Variants in EML4 observed in about 807,000 individuals in gnomAD.
EML4 encodes echinoderm microtubule-associated protein-like 4.
Under a neutral mutation model 129.0 loss-of-function variants are expected in EML4, and 72 were observed. That is an observed-to-expected ratio of 0.56 (90% confidence interval 0.46 to 0.68). The LOEUF (loss-of-function observed/expected upper bound fraction) is 0.68, where lower values mean the gene tolerates loss of function less well. Ranked by LOEUF, EML4 falls within the 30% of genes least tolerant of loss-of-function variation. The pLI, the probability that EML4 is intolerant of heterozygous loss-of-function variation, is 0.00. For missense variants in EML4, 1,363 were observed against 1,190.6 expected (o/e 1.14, Z -2.13); for synonymous variants, 532 against 405.0 (o/e 1.31, Z -3.77).
chr2:42,224,810 T>C (rs181477670), intron 1 of EML4, among the ~76,000 whole-genome samples: 49 of 152,262 alleles, frequency 3.2e-4, no homozygotes, highest in African/African-American at 1.2e-3. Flanking sequence ...TTTTAATCAA[T>C]TTTAACTTTA....
At chr2:42,202,372 A>G (rs183806602) in intron 1 of EML4, among the ~76,000 whole-genome samples, 4 of 152,234 alleles carry the variant, frequency 2.6e-5, no homozygotes, top group Admixed American at 2.6e-4. Flanking sequence ...AGTGTTCTCT[A>G]GATAGAAGGA....
chr2:42,325,592 ATGAT>A, intron 20 of EML4, 38 bp downstream of exon 20: 1 of 225,118 alleles, frequency 4.4e-6, no homozygotes, highest in East Asian at 1.1e-4. Flanking sequence ...TATATATGCT[ATGAT>A]TATATTTATA....
intron 1 of EML4, among the ~76,000 whole-genome samples, chr2:42,196,838 A>G (rs1350201124): frequency 6.6e-6 from 1 of 152,156 alleles, no homozygotes; most frequent in Non-Finnish European, 1.5e-5. Flanking sequence ...TGTAATACCT[A>G]ATACAGTAAC....
chr2:42,274,481 C>CT (rs1224621499), intron 6 of EML4, among the ~76,000 whole-genome samples: 2 of 152,038 alleles, frequency 1.3e-5, no homozygotes, highest in East Asian at 3.8e-4. Flanking sequence ...ATAAAGCAAG[C>CT]TTAAAAAGAA....
At chr2:42,295,009 AGAG>A in intron 11 of EML4, 113 bp from the exon 12 acceptor site, 1 of 911,022 alleles carries the variant, frequency 1.1e-6, no homozygotes, top group Non-Finnish European at 1.6e-6. Flanking sequence ...TCTTAGAAGA[AGAG>A]GCATTTTCTC....
chr2:42,307,567 A>G (rs1668681771), intron 17 of EML4, among the ~76,000 whole-genome samples: 1 of 152,250 alleles, frequency 6.6e-6, no homozygotes, highest in Non-Finnish European at 1.5e-5. Context: ...CTAAAATGGA[A>G]AAATCTTAAT....
rs771092823 is a variant in EML4 at position 42,295,294 on chromosome 2, A to G, written c.1353+35A>G. 11 of 1,599,336 alleles carry G rather than the reference A, an allele frequency of 6.9e-6. No individual in the cohort carries two copies. The South Asian group carries it at 8.0e-5, about 12-fold the overall frequency. On this transcript the variant is annotated intron_variant, in intron 12 of 22. Coordinates refer to ENST00000318522, the MANE Select transcript of EML4 (RefSeq NM_019063.5). ...AGATTGTTTTAATGTCATTAGGTGTATAAGACTTTAATTTTTTTAATTGTT... is the reference window on the plus strand; with the variant it reads ...AGATTGTTTTAATGTCATTAGGTGTGTAAGACTTTAATTTTTTTAATTGTT...
intron 5 of EML4, among the ~76,000 whole-genome samples, chr2:42,263,920 G>A (rs1572651574): frequency 1.3e-5 from 2 of 151,154 alleles, no homozygotes; most frequent in South Asian, 2.1e-4. Flanking sequence ...GGTAGAGATG[G>A]TGTTTTCACC....
At chr2:42,322,984 T>G (rs1449263968) in intron 19 of EML4, among the ~76,000 whole-genome samples, 1 of 152,194 alleles carries the variant, frequency 6.6e-6, no homozygotes, top group African/African-American at 2.4e-5. Flanking sequence ...GAGAATACTT[T>G]ATGTTGATTT....
intron 19 of EML4, among the ~76,000 whole-genome samples, chr2:42,322,016 A>G (rs541887431): frequency 5.4e-4 from 82 of 152,262 alleles, no homozygotes; most frequent in Non-Finnish European, 8.8e-4. Flanking sequence ...CAGATTTTCA[A>G]CATATTTATG....
intron 6 of EML4, chr2:42,265,033 G>T (rs961045293): frequency 4.5e-5 from 57 of 1,263,858 alleles, no homozygotes; most frequent in Non-Finnish European, 1.1e-6. Flanking sequence ...TATTTATGCT[G>T]CCTGACTTTC....
intron 1 of EML4, among the ~76,000 whole-genome samples, chr2:42,172,010 A>G (rs1670311492): frequency 6.6e-6 from 1 of 152,026 alleles, no homozygotes; most frequent in South Asian, 2.1e-4. Context: ...CCATCAGGAG[A>G]GCCATGAATA....
At chr2:42,218,107 C>T (rs867607666) in intron 1 of EML4, among the ~76,000 whole-genome samples, 5 of 152,174 alleles carry the variant, frequency 3.3e-5, no homozygotes, top group Non-Finnish European at 7.4e-5. Flanking sequence ...AAAGCTTCAT[C>T]TGTATTTGCA....
At chr2:42,214,261 A>G (rs898946766) in intron 1 of EML4, among the ~76,000 whole-genome samples, 1 of 152,212 alleles carries the variant, frequency 6.6e-6, no homozygotes, top group African/African-American at 2.4e-5. Context: ...ACTCATATGA[A>G]TATCATCCAA....
intron 1 of EML4, among the ~76,000 whole-genome samples, chr2:42,243,912 C>G (rs1382529364): frequency 6.6e-6 from 1 of 152,114 alleles, no homozygotes; most frequent in Admixed American, 6.5e-5. Context: ...GTCTGAATGA[C>G]TGAAACAGTC....
At chr2:42,299,026 A>G (rs568933550) in intron 13 of EML4, among the ~76,000 whole-genome samples, 31 of 152,296 alleles carry the variant, frequency 2.0e-4, no homozygotes, top group Non-Finnish European at 3.1e-4. Flanking sequence ...CAGAACAGAG[A>G]TAGATACTTA....
At chr2:42,199,743 A>T (rs972869984) in intron 1 of EML4, among the ~76,000 whole-genome samples, 15 of 152,144 alleles carry the variant, frequency 9.9e-5, no homozygotes, top group Non-Finnish European at 2.1e-4. Flanking sequence ...GTTGGAAAAG[A>T]GGGTAACCTT....
chr2:42,228,778 T>C (rs951896006), intron 1 of EML4, among the ~76,000 whole-genome samples: 21 of 152,196 alleles, frequency 1.4e-4, no homozygotes, highest in African/African-American at 5.1e-4. Context: ...TATTTATTTA[T>C]TTACCTTCTT....
intron 1 of EML4, among the ~76,000 whole-genome samples, chr2:42,227,985 C>T (rs1674084419): frequency 6.6e-6 from 1 of 152,014 alleles, no homozygotes; most frequent in Admixed American, 6.6e-5. Flanking sequence ...TTTGGGAGGC[C>T]AAGGTGGGCG....
Sources: allele counts gnomAD v4.1 joint callset (sites outside exome capture counted in the v4.1 genomes callset), GRCh38; gene constraint gnomAD v4.1.1; transcripts MANE v1.5; gene names NCBI Gene and HGNC (gene_info 2026-07-23, HGNC 2026-07-21).